TEN1: variants seen among roughly 807,000 people sequenced by gnomAD.
TEN1 encodes the protein CST complex subunit TEN1.
TEN1 carries 6 observed loss-of-function variants against 9.3 expected under a neutral mutation model. The observed-to-expected ratio is 0.65, with a 90% CI of 0.35 to 1.27. The LOEUF (loss-of-function observed/expected upper bound fraction) is 1.27. Among genes scored for constraint, TEN1 ranks in the 50% most tolerant of loss-of-function variants. TEN1 has a pLI of 0.03. For synonymous variants in TEN1, 65 were observed against 65.6 expected (o/e 0.99, Z 0.04); for missense variants, 149 against 158.2 (o/e 0.94, Z 0.31).
chr17:75,998,444 C>T (rs1483847314), intron 3 of TEN1, among the ~76,000 whole-genome samples: 3 of 152,086 alleles, frequency 2.0e-5, no homozygotes, highest in Non-Finnish European at 4.4e-5. Context: ...CACCGCGCCA[C>T]GCCCCGATTC....
intron 1 of TEN1, among the ~76,000 whole-genome samples, chr17:75,979,918 G>A (rs1022313916): frequency 6.6e-6 from 1 of 151,750 alleles, no homozygotes; most frequent in East Asian, 1.9e-4. Flanking sequence ...GCTGCTCTAA[G>A]CCTTCTGTCT....
At chr17:75,981,275 C>T (rs1334271710) in intron 1 of TEN1, among the ~76,000 whole-genome samples, 1 of 151,998 alleles carries the variant, frequency 6.6e-6, no homozygotes, top group East Asian at 1.9e-4. Context: ...CAACCTCCGC[C>T]TCCTGGGTTC....
intron 3 of TEN1, among the ~76,000 whole-genome samples, chr17:75,996,720 AAAAG>A (rs1291785622): frequency 3.3e-4 from 41 of 124,598 alleles, no homozygotes; most frequent in South Asian, 2.1e-4. Flanking sequence ...AAAAAAAAAA[AAAAG>A]AGAGAGAGAA....
At chr17:75,992,079 G>A (rs1462976196) in intron 3 of TEN1, among the ~76,000 whole-genome samples, 3 of 150,638 alleles carry the variant, frequency 2.0e-5, no homozygotes, top group Admixed American at 6.6e-5. Flanking sequence ...GACAGGTACA[G>A]TGAAGAGACA....
chr17:75,991,149 CAAAA>C (rs71361699), intron 2 of TEN1, among the ~76,000 whole-genome samples: 1 of 70,218 alleles, frequency 1.4e-5, no homozygotes, highest in African/African-American at 6.4e-5. Context: ...GACTCCATCT[CAAAA>C]AAAAAAAAAA....
chr17:75,994,458 A>T, intron 3 of TEN1, among the ~76,000 whole-genome samples: 1 of 150,986 alleles, frequency 6.6e-6, no homozygotes. Context: ...AAAAAGAAAA[A>T]GTTTGTCTTG....
Position 75,979,299 on chromosome 17 carries a change from G to C in TEN1, c.-219G>C, listed in dbSNP as rs2066094142. On this transcript the variant is annotated 5_prime_UTR_variant, in exon 1 of 4. Transcript: ENST00000397640. ...GGGGGCGATGTCCGCGTCGTGGCTGGGGCCGGTCGCGGGGCAGACTAATCC... is the reference window on the plus strand; with the variant it reads ...GGGGGCGATGTCCGCGTCGTGGCTGCGGCCGGTCGCGGGGCAGACTAATCC... 4.6e-6 allele frequency: 3 copies of C among 651,468 alleles called. No individual in the cohort carries two copies. Among genetic ancestry groups the C allele is most frequent in the Non-Finnish European group, 8.0e-6 (3 of 374,128 alleles). The allele number at this position is 651,468 out of a possible 1,614,324, so 40.4% of individuals were successfully genotyped here.
chr17:75,996,735 A>G (rs1219614137), intron 3 of TEN1, among the ~76,000 whole-genome samples: 1 of 151,226 alleles, frequency 6.6e-6, no homozygotes, highest in African/African-American at 2.4e-5. Context: ...AGAGAGAGAA[A>G]GAAAGAAAAA....
At chr17:75,987,122 C>T (rs2066157129) in intron 2 of TEN1, among the ~76,000 whole-genome samples, 1 of 152,184 alleles carries the variant, frequency 6.6e-6, no homozygotes, top group South Asian at 2.1e-4. Context: ...CTGTGCCCAG[C>T]CTCCCCCAAA....
At chr17:75,982,140 A>G (rs1188691594) in intron 1 of TEN1, among the ~76,000 whole-genome samples, 5 of 152,222 alleles carry the variant, frequency 3.3e-5, no homozygotes, top group Admixed American at 6.5e-5. Flanking sequence ...ACTGTAGGCC[A>G]TAAGACTCCA....
chr17:75,999,350 A>T lies in TEN1; in HGVS notation c.251-791A>T, dbSNP rs879371571. On this transcript the variant is annotated intron_variant, in intron 3 of 3. Transcript: ENST00000397640. The stretch of plus-strand genomic sequence containing the variant: ...AGCAACACCCTGTCTCAAAAAAAAA[A>T]TTTTTTTTTTTAGGTGGAGTCTTGC... Among the ~76,000 whole-genome samples the T allele has an allele frequency of 2.4e-3, 361 of 148,752 alleles. 1 individual carries two copies. Among genetic ancestry groups the T allele is most frequent in the Non-Finnish European group, 3.2e-3 (216 of 66,870 alleles).
chr17:75,983,317 C>G (rs1351863188), intron 1 of TEN1, among the ~76,000 whole-genome samples: 1 of 152,042 alleles, frequency 6.6e-6, no homozygotes, highest in Non-Finnish European at 1.5e-5. Flanking sequence ...AATGTATAAT[C>G]ATTATACCAG....
rs1478466994 is a variant in TEN1 at position 75,991,136 on chromosome 17, C to T, written c.93-330C>T. ...TTGCACTCCAGCCTGGGCAACAAAG[C>T]GAGACTCCATCTCAAAAAAAAAAAA... On this transcript the variant is annotated intron_variant, in intron 2 of 3. Transcript: ENST00000397640. 4.1e-5 allele frequency among the ~76,000 whole-genome samples: 4 copies of T among 97,486 alleles called. No individual in the cohort carries two copies. The Admixed American group carries it at 4.4e-4, about 11-fold the overall frequency. The allele number at this position is 97,486 out of a possible 152,430, so 64.0% of individuals were successfully genotyped here.
In TEN1 at chr17:75,999,053, A is replaced by G. The variant is rs116405375; in HGVS notation, c.251-1088A>G. Among the ~76,000 whole-genome samples the G allele has an allele frequency of 5.0e-3, 757 of 152,250 alleles. 8 individuals carry two copies. The highest frequency in any genetic ancestry group is 0.016 in the African/African-American group (663 of 41,550). On this transcript the variant is annotated intron_variant, in intron 3 of 3. Transcript: ENST00000397640. ...TATGACTGGGGAAAAAAGAAAGAAAAAAAAAATGTCAGCAATGCACAGTGG... is the reference window on the plus strand; with the variant it reads ...TATGACTGGGGAAAAAAGAAAGAAAGAAAAAATGTCAGCAATGCACAGTGG...
chr17:75,989,462 A>C (rs2066172331), intron 2 of TEN1, among the ~76,000 whole-genome samples: 1 of 150,432 alleles, frequency 6.6e-6, no homozygotes, highest in Admixed American at 6.7e-5. Context: ...GCCAGGCTGG[A>C]GTGCAGTGGC....
chr17:75,986,378 A>G (rs2066152560), intron 2 of TEN1, 94 bp downstream of exon 2: 3 of 1,167,482 alleles, frequency 2.6e-6, no homozygotes, highest in South Asian at 1.7e-5. Context: ...AGATTTTTAT[A>G]ACTTCATCTA....
At chr17:75,997,151 C>T (rs1328027850) in intron 3 of TEN1, among the ~76,000 whole-genome samples, 1 of 152,272 alleles carries the variant, frequency 6.6e-6, no homozygotes, top group Non-Finnish European at 1.5e-5. Context: ...TCTCTCTTCC[C>T]CGTTGGGCCT....
chr17:75,997,758 G>A (rs894525875), intron 3 of TEN1, among the ~76,000 whole-genome samples: 4 of 151,952 alleles, frequency 2.6e-5, no homozygotes, highest in African/African-American at 9.7e-5. Flanking sequence ...GAACATCTGT[G>A]CTCCGTATAA....
intron 1 of TEN1, among the ~76,000 whole-genome samples, chr17:75,982,788 G>A (rs2066129362): frequency 6.6e-6 from 1 of 151,620 alleles, no homozygotes; most frequent in Non-Finnish European, 1.5e-5. Flanking sequence ...TCGGCTCACT[G>A]CAGCCTCCGC....
Sources: gnomAD v4.1 joint callset for allele counts (sites outside exome capture counted in the v4.1 genomes callset) on GRCh38, gnomAD v4.1.1 for gene constraint, MANE v1.5 for transcripts, NCBI Gene and HGNC (gene_info 2026-07-23, HGNC 2026-07-21) for gene names.